Variants in RHOBTB1 observed in about 807,000 individuals in gnomAD.
RHOBTB1 encodes the protein Rho related BTB domain containing 1.
In RHOBTB1, 40 loss-of-function variants were observed where a neutral mutation model predicts 71.6. The ratio of observed to expected loss-of-function variants is 0.56; its 90% CI spans 0.43 to 0.73. The LOEUF (loss-of-function observed/expected upper bound fraction) is 0.73. Among genes scored for constraint, RHOBTB1 ranks in the 30% least tolerant of loss-of-function variants. The pLI is 0.00. For missense variants in RHOBTB1, 797 were observed against 894.0 expected, an observed-to-expected ratio of 0.89 and a Z score of 1.38; for synonymous variants, 319 against 334.9, an observed-to-expected ratio of 0.95 and a Z score of 0.52.
Position 60,989,900 on chromosome 10 carries a change from G to A in RHOBTB1, c.-162-3955C>T, listed in dbSNP as rs139594113. 9.4e-3 allele frequency among the ~76,000 whole-genome samples: 1,422 copies of A among 152,010 alleles called. 12 individuals carry two copies. Among genetic ancestry groups the A allele is most frequent in the Non-Finnish European group, 0.015 (1,039 of 67,968 alleles). On this transcript the variant is annotated intron_variant, in intron 1 of 11. Transcript: ENST00000357917. Reference sequence around the variant, plus strand: ...CACCACTGATGGGAGAAACAGGTGGGGCTGTGCTCATACAATACTCTTGGT... The same window carrying A: ...CACCACTGATGGGAGAAACAGGTGGAGCTGTGCTCATACAATACTCTTGGT...
chr10:60,900,561 T>C (rs1300063056), intron 4 of RHOBTB1, among the ~76,000 whole-genome samples: 2 of 152,240 alleles, frequency 1.3e-5, no homozygotes, highest in African/African-American at 4.8e-5. Context: ...TCAGGGATTT[T>C]GTCCTGTTCC....
intron 6 of RHOBTB1, 73 bp downstream of exon 6, chr10:60,888,139 C>T: frequency 1.3e-6 from 2 of 1,500,498 alleles, no homozygotes; most frequent in Non-Finnish European, 1.8e-6. Context: ...CTTCTTTCTC[C>T]TGCTCATGTC....
chr10:60,912,485 G>C (rs954799261), intron 2 of RHOBTB1, among the ~76,000 whole-genome samples: 4 of 152,108 alleles, frequency 2.6e-5, no homozygotes, highest in Admixed American at 2.6e-4. Flanking sequence ...TCCCCACCTT[G>C]GCCTCCCAAA....
chr10:60,912,755 G>C (rs1021847950), intron 2 of RHOBTB1: 1 of 152,194 alleles, frequency 6.6e-6, no homozygotes, highest in African/African-American at 2.4e-5. Context: ...CCAGGGACAG[G>C]ACCCTCCACA....
Position 60,910,897 on chromosome 10 carries a change from C to T in RHOBTB1, c.286G>A (p.Ala96Thr), listed in dbSNP as rs548480979. ...FGDHHKDRRFAYGRSDVVVLC... is the reference protein window; with the variant it reads ...FGDHHKDRRFTYGRSDVVVLC... ...CTAGTCTTGGTTTACCTGCCATATG[C>T]AAAGCGTCTGTCTTTGTGATGATCA... The change falls in exon 4 of 11, where the codon GCA (alanine) becomes ACA (threonine). Residue 96 changes from alanine (A) to threonine (T), a missense_variant. Ala to Thr is a moderately conservative substitution (Grantham distance 58). Transcript: ENST00000337910. The T allele has an allele frequency of 6.2e-7, 1 of 1,613,494 alleles. No homozygotes were observed. The highest frequency in any genetic ancestry group is 1.3e-5 in the African/African-American group (1 of 75,024).
At chr10:60,999,110 T>C (rs990093576) in intron 1 of RHOBTB1, among the ~76,000 whole-genome samples, 3 of 152,186 alleles carry the variant, frequency 2.0e-5, no homozygotes, top group Non-Finnish European at 4.4e-5. Context: ...CTTTCACCTG[T>C]ACCAACTTGT....
chr10:60,931,574 G>A (rs1334678824), intron 2 of RHOBTB1, among the ~76,000 whole-genome samples: 2 of 152,064 alleles, frequency 1.3e-5, no homozygotes, highest in African/African-American at 4.8e-5. Flanking sequence ...TGAGAAAGAC[G>A]TTTTAGCTTT....
At chr10:60,932,320 T>A (rs2084302232) in intron 2 of RHOBTB1, among the ~76,000 whole-genome samples, 1 of 151,830 alleles carries the variant, frequency 6.6e-6, no homozygotes. Flanking sequence ...ACCCTGGACA[T>A]AAAATGTGAG....
At chr10:60,867,005 G>T (rs1376624569), downstream of RHOBTB1, among the ~76,000 whole-genome samples, 1 of 152,072 alleles carries the variant, frequency 6.6e-6, no homozygotes, top group Non-Finnish European at 1.5e-5. Flanking sequence ...GAGCACACAG[G>T]TTCCATTTCA....
At chr10:60,990,711 A>T (rs2086834930) in intron 1 of RHOBTB1, among the ~76,000 whole-genome samples, 1 of 151,942 alleles carries the variant, frequency 6.6e-6, no homozygotes, top group South Asian at 2.1e-4. Flanking sequence ...ATCTTTCACT[A>T]CTGGGCCATT....
chr10:60,899,579 A>T (rs2082316565), intron 4 of RHOBTB1, among the ~76,000 whole-genome samples: 1 of 152,120 alleles, frequency 6.6e-6, no homozygotes. Flanking sequence ...CTCCTTGGCA[A>T]CTCTCTTTGA....
chr10:60,973,204 TATCAAAAGGTTCTC>T (rs2086217796), intron 2 of RHOBTB1, among the ~76,000 whole-genome samples: 1 of 152,054 alleles, frequency 6.6e-6, no homozygotes, highest in South Asian at 2.1e-4. Context: ...GTCTTTCCTC[TATCAAAAGGTTCTC>T]ATCTGTTAAA....
At chr10:60,874,323 C>T (rs907998882) in intron 9 of RHOBTB1, among the ~76,000 whole-genome samples, 3 of 152,230 alleles carry the variant, frequency 2.0e-5, no homozygotes, top group African/African-American at 7.2e-5. Context: ...CTTGAACATT[C>T]TCTCCCACTT....
intron 2 of RHOBTB1, among the ~76,000 whole-genome samples, chr10:60,923,061 A>C (rs1240798903): frequency 6.6e-6 from 1 of 152,176 alleles, no homozygotes; most frequent in Non-Finnish European, 1.5e-5. Flanking sequence ...GCTATCATAG[A>C]GCCCTACCTT....
At chr10:60,867,762 G>A (rs576846465), downstream of RHOBTB1, among the ~76,000 whole-genome samples, 1 of 152,316 alleles carries the variant, frequency 6.6e-6, no homozygotes, top group Admixed American at 6.5e-5. Flanking sequence ...ATTTTCTAAT[G>A]CAGCCAAGGG....
Position 60,910,973 on chromosome 10 carries a change from C to G in RHOBTB1, c.210G>C (p.Arg70=), listed in dbSNP as rs1026058482. The G allele has an allele frequency of 9.3e-6, 15 of 1,613,906 alleles. No individual in the cohort carries two copies. Among genetic ancestry groups the G allele is most frequent in the African/African-American group, 1.3e-5 (1 of 75,036 alleles). ...AAACACTCACTTCATCAACAACATC[C>G]CGAGAACGCTCCAAGACCTGCAGGA... ...RVCQEVLERS[R]DVVDEVSVSL... The change falls in exon 4 of 11, where the codon CGG becomes CGC. Residue 70 remains arginine, a synonymous_variant. Coordinates refer to ENST00000337910, the MANE Select transcript of RHOBTB1 (RefSeq NM_014836.5).
chr10:60,973,442 G>A (rs2086224937), intron 2 of RHOBTB1, among the ~76,000 whole-genome samples: 1 of 152,016 alleles, frequency 6.6e-6, no homozygotes. Flanking sequence ...CTTCTTAACA[G>A]CCTTCTTTTT....
upstream of RHOBTB1, among the ~76,000 whole-genome samples, chr10:60,948,262 A>G (rs1057121687): frequency 2.0e-5 from 3 of 152,132 alleles, no homozygotes; most frequent in East Asian, 5.8e-4. Flanking sequence ...TCCCAAGGGA[A>G]CTCTATTTTC....
intron 7 of RHOBTB1, among the ~76,000 whole-genome samples, chr10:60,883,110 G>A (rs2081401302): frequency 6.6e-6 from 1 of 152,150 alleles, no homozygotes; most frequent in Non-Finnish European, 1.5e-5. Context: ...GGGAAGGGGC[G>A]AGAATGTCGA....
Sources: gnomAD v4.1 joint callset for allele counts (sites outside exome capture counted in the v4.1 genomes callset) on GRCh38, gnomAD v4.1.1 for gene constraint, MANE v1.5 for transcripts, NCBI Gene and HGNC (gene_info 2026-07-23, HGNC 2026-07-21) for gene names.